Variants in PDIA3 observed in about 807,000 individuals in gnomAD.
PDIA3 encodes the protein protein disulfide isomerase family A member 3, also known as protein disulfide-isomerase A3.
In PDIA3, 16 loss-of-function variants were observed where a neutral mutation model predicts 56.9. The ratio of observed to expected loss-of-function variants is 0.28; its 90% CI spans 0.19 to 0.43. PDIA3 has a LOEUF of 0.43. PDIA3 is among the 20% of genes least tolerant of loss of function. PDIA3 has a pLI of 1.00. For synonymous variants in PDIA3, 192 were observed against 216.5 expected, an observed-to-expected ratio of 0.89 and a Z score of 0.99; for missense variants, 485 against 621.3, an observed-to-expected ratio of 0.78 and a Z score of 2.33.
At chr15:43,756,892 A>G (rs926729476) in intron 3 of PDIA3, 126 bp downstream of exon 3, 1 of 579,596 alleles carries the variant, frequency 1.7e-6, no homozygotes, top group Non-Finnish European at 3.1e-6. Context: ...CTAAGAGGTC[A>G]GTTTGGTGGT....
chr15:43,762,941 G>A, intron 4 of PDIA3, 136 bp from the exon 5 acceptor site: 1 of 731,708 alleles, frequency 1.4e-6, no homozygotes, highest in East Asian at 2.7e-5. Context: ...CCTGTCTGAG[G>A]TAGTCATGGC....
At chr15:43,768,690 G>T in intron 9 of PDIA3, 93 bp downstream of exon 9, 1 of 820,926 alleles carries the variant, frequency 1.2e-6, no homozygotes, top group Non-Finnish European at 2.0e-6. Context: ...GACTTCGTTG[G>T]CCATCTCTTT....
chr15:43,766,691 G>A (rs756629193), intron 7 of PDIA3, 37 bp from the exon 8 acceptor site: 2 of 1,587,660 alleles, frequency 1.3e-6, no homozygotes, highest in Non-Finnish European at 1.7e-6. Flanking sequence ...TGACCACCCT[G>A]TATAGTCTTG....
At chr15:43,759,342 T>C (rs2086799946) in intron 3 of PDIA3, among the ~76,000 whole-genome samples, 1 of 152,154 alleles carries the variant, frequency 6.6e-6, no homozygotes, top group African/African-American at 2.4e-5. Context: ...CCAGCTTCTG[T>C]ATGCCCACTT....
At chr15:43,748,499 T>C (rs1567154203) in intron 1 of PDIA3, among the ~76,000 whole-genome samples, 1 of 152,028 alleles carries the variant, frequency 6.6e-6, no homozygotes, top group Non-Finnish European at 1.5e-5. Context: ...ACCAGAATTT[T>C]TTATTTGAAT....
chr15:43,752,680 G>C (rs2086752330), intron 1 of PDIA3: 1 of 438,670 alleles, frequency 2.3e-6, no homozygotes, highest in Non-Finnish European at 4.6e-6. Flanking sequence ...TTTTAAACAA[G>C]TTTTAGGTGT....
At chr15:43,758,657 CA>C (rs34576866) in intron 3 of PDIA3, among the ~76,000 whole-genome samples, 12 of 137,496 alleles carry the variant, frequency 8.7e-5, no homozygotes, top group South Asian at 4.7e-4. Flanking sequence ...GACTCCGTCT[CA>C]AAAAAAAAAA....
chr15:43,771,366 TA>T lies in PDIA3; in HGVS notation c.*151del. ...AATCTGAATCCTGTTAAATTTTCTC[TA>T]AACTGTTTCTTAGCTGCACTGTTTA... On this transcript the variant is annotated 3_prime_UTR_variant, in exon 13 of 13. Coordinates refer to ENST00000300289, the MANE Select transcript of PDIA3 (RefSeq NM_005313.5). 1.9e-6 allele frequency: 1 copy of T among 534,992 alleles called. No individual in the cohort carries two copies. 33.1% of individuals were successfully genotyped at this position (534,992 alleles called of 1,614,324 possible).
chr15:43,756,071 G>A (rs1857736695), intron 2 of PDIA3, among the ~76,000 whole-genome samples: 1 of 152,102 alleles, frequency 6.6e-6, no homozygotes, highest in Admixed American at 6.6e-5. Flanking sequence ...AAGTACTTGT[G>A]CCTGGGTTGG....
At chr15:43,768,174 TGTGAGCCAGTCAATAAAACA>T (rs1239491341) in intron 8 of PDIA3, among the ~76,000 whole-genome samples, 1 of 152,172 alleles carries the variant, frequency 6.6e-6, no homozygotes, top group Non-Finnish European at 1.5e-5. Context: ...AAATCTTCCT[TGTGAGCCAGTCAATAAAACA>T]AAATACTGTA....
At position 43,771,621 on chromosome 15, in the gene PDIA3, AAATGCT is replaced by A; in HGVS notation, c.*404_*409del. 9.5e-5 allele frequency: 39 copies of A among 411,094 alleles called. No homozygotes were observed. In the South Asian group the frequency reaches 1.1e-3, roughly 12 times the overall value. 25.5% of individuals were successfully genotyped at this position (411,094 alleles called of 1,614,324 possible). On this transcript the variant is annotated 3_prime_UTR_variant, in exon 13 of 13. Coordinates refer to ENST00000300289, the MANE Select transcript of PDIA3 (RefSeq NM_005313.5). ...TCAATAGAGCTTTCTTCAGTGATGG[AAATGCT>A]CTGTAATCTACACTGTTCAGTACAG...
chr15:43,765,425 G>A lies in PDIA3; in HGVS notation c.603-25G>A, dbSNP rs201275842. 5,678 of 1,309,644 alleles carry A rather than the reference G, an allele frequency of 4.3e-3. 36 individuals are homozygous for A. The highest frequency in any genetic ancestry group is 0.027 in the Middle Eastern group (140 of 5,094). 81.1% of individuals were successfully genotyped at this position (1,309,644 alleles called of 1,614,324 possible). A position where few individuals can be genotyped will look rare whatever the true frequency, so the allele number is the denominator to read the frequency against. On this transcript the variant is annotated intron_variant, in intron 5 of 12. Coordinates refer to ENST00000300289, the MANE Select transcript of PDIA3 (RefSeq NM_005313.5). ...ACAGTTCTTCTGCTATCTGCCTACTGAGACTTTTCTTTTTTTTTTTTAAGG... is the reference window on the plus strand; with the variant it reads ...ACAGTTCTTCTGCTATCTGCCTACTAAGACTTTTCTTTTTTTTTTTTAAGG...
At chr15:43,751,688 G>T (rs1461118763) in intron 1 of PDIA3, 2 of 1,303,692 alleles carry the variant, frequency 1.5e-6, no homozygotes, top group Non-Finnish European at 1.0e-6. Flanking sequence ...TAAGGCAGTG[G>T]ATTTTAGTCC....
intron 6 of PDIA3, 28 bp downstream of exon 6, chr15:43,765,594 G>A: frequency 3.0e-6 from 4 of 1,326,626 alleles, no homozygotes; most frequent in Non-Finnish European, 4.3e-6. Context: ...TCTTGTCTGG[G>A]ATTTATTTGC....
chr15:43,765,655 T>C, intron 6 of PDIA3, 89 bp downstream of exon 6: 1 of 953,442 alleles, frequency 1.0e-6, no homozygotes, highest in South Asian at 1.4e-5. Context: ...TATTTTGGCG[T>C]AAACAGTCTA....
rs1406681829 is a variant in PDIA3 at position 43,767,793 on chromosome 15, AAGAAAT to A, written c.1029-692_1029-687del. Among the ~76,000 whole-genome samples, 13 of 150,448 alleles carry A rather than the reference AAGAAAT, an allele frequency of 8.6e-5. No individual in the cohort carries two copies. The East Asian group carries it at 2.5e-3, about 29-fold the overall frequency. ...TCAAAAAAAAAAAAAAAAAAAAAGA[AAGAAAT>A]AGATAAGATTGGACAGCCTCCTTTG... On this transcript the variant is annotated intron_variant, in intron 8 of 12. Transcript: ENST00000300289.
intron 1 of PDIA3, chr15:43,752,753 G>T (rs1199814535): frequency 2.1e-6 from 1 of 469,914 alleles, no homozygotes; most frequent in Non-Finnish European, 4.4e-6. Flanking sequence ...AAATATATCT[G>T]CTCAAGTTTC....
At position 43,746,665 on chromosome 15, in the gene PDIA3, G is replaced by C; in HGVS notation, c.126G>C (p.Thr42=). ...DDNFESRISD[T]GSAGLMLVEF... ...ACTTCGAGAGTCGCATCTCCGACACGGGCTCTGCGGGCCTCATGCTCGTCG... is the reference window on the plus strand; with the variant it reads ...ACTTCGAGAGTCGCATCTCCGACACCGGCTCTGCGGGCCTCATGCTCGTCG... The change falls in exon 1 of 13, where the codon ACG becomes ACC. Residue 42 remains threonine, a synonymous_variant. Coordinates refer to ENST00000300289, the MANE Select transcript of PDIA3 (RefSeq NM_005313.5). The C allele has an allele frequency of 1.2e-6, 2 of 1,612,962 alleles. No homozygotes were observed. Among genetic ancestry groups the C allele is most frequent in the East Asian group, 4.5e-5 (2 of 44,888 alleles).
chr15:43,765,748 T>C, intron 6 of PDIA3, 139 bp from the exon 7 acceptor site: 1 of 931,464 alleles, frequency 1.1e-6, no homozygotes, highest in Non-Finnish European at 1.7e-6. Context: ...TGTCATCCTG[T>C]AAGGTATATA....
Sources: gnomAD v4.1 joint callset for allele counts (sites outside exome capture counted in the v4.1 genomes callset) on GRCh38, gnomAD v4.1.1 for gene constraint, MANE v1.5 for transcripts, NCBI Gene and HGNC (gene_info 2026-07-23, HGNC 2026-07-21) for gene names.